The following EPB41L2 variants were observed in gnomAD, a reference collection of about 807,000 sequenced individuals.
EPB41L2 encodes erythrocyte membrane protein band 4.1 like 2, also known as band 4.1-like protein 2.
A neutral mutation model predicts 113.0 loss-of-function variants in EPB41L2; 43 were observed. The ratio of observed to expected loss-of-function variants is 0.38; its 90% CI spans 0.30 to 0.49. EPB41L2 has a LOEUF of 0.49. Ranked by LOEUF, EPB41L2 falls within the 20% of genes least tolerant of loss-of-function variation. The probability of loss-of-function intolerance (pLI) is 0.95; values close to 1 mark genes in which losing one functional copy is unlikely to be tolerated. For missense variants in EPB41L2, 1,147 were observed against 1,223.4 expected, an observed-to-expected ratio of 0.94 and a Z score of 0.93; for synonymous variants, 442 against 436.7, an observed-to-expected ratio of 1.01 and a Z score of -0.15.
rs772528827 is a variant in EPB41L2 at position 130,885,220 on chromosome 6, G to A, written c.1709C>T (p.Ala570Val). ...DQSLMKDFPG[A>V]AGEISAYGPG... ...TCCATAGGCTGAAATCTCCCCAGCA[G>A]CGCCAGGAAAATCCTTCATAAGACT... is the stretch of plus-strand genomic sequence containing the variant. The change falls in exon 12 of 20, where the codon GCT becomes GTT. Residue 570 changes from alanine (A) to valine (V), a missense_variant. Coordinates refer to ENST00000337057, the MANE Select transcript of EPB41L2 (RefSeq NM_001431.4). 6.2e-7 allele frequency: 1 copy of A among 1,614,120 alleles called. No homozygotes were observed. Among genetic ancestry groups the A allele is most frequent in the African/African-American group, 1.3e-5 (1 of 75,042 alleles).
intron 1 of EPB41L2, among the ~76,000 whole-genome samples, chr6:130,988,281 G>A (rs1396263170): frequency 6.6e-6 from 1 of 152,170 alleles, no homozygotes. Flanking sequence ...AAGGCCAGAA[G>A]ACAAGAAGAC....
At chr6:130,971,159 A>G (rs1776677971) in intron 1 of EPB41L2, among the ~76,000 whole-genome samples, 1 of 152,164 alleles carries the variant, frequency 6.6e-6, no homozygotes, top group South Asian at 2.1e-4. Flanking sequence ...GGCCTCCCAA[A>G]ATGTTGGGAT....
intron 10 of EPB41L2, among the ~76,000 whole-genome samples, chr6:130,892,307 G>C (rs889987899): frequency 8.4e-6 from 1 of 118,860 alleles, no homozygotes; most frequent in South Asian, 2.9e-4. Flanking sequence ...TGCCTAGGGC[G>C]AGAAATAGAC....
At chr6:131,023,714 C>CGA (rs1554340439) in intron 1 of EPB41L2, among the ~76,000 whole-genome samples, 2 of 142,118 alleles carry the variant, frequency 1.4e-5, no homozygotes, top group African/African-American at 5.2e-5. Context: ...AAAATGTGTG[C>CGA]GTGTGTGTGT....
At chr6:131,015,239 T>C (rs1288122829) in intron 1 of EPB41L2, 1 of 152,220 alleles carries the variant, frequency 6.6e-6, no homozygotes, top group Non-Finnish European at 1.5e-5. Flanking sequence ...AGAAAGCATC[T>C]GTGGAAAGAG....
chr6:131,023,405 C>G (rs1789974492), intron 1 of EPB41L2, among the ~76,000 whole-genome samples: 2 of 152,170 alleles, frequency 1.3e-5, no homozygotes, highest in African/African-American at 4.8e-5. Flanking sequence ...AAAATATAGG[C>G]TGGGCACGGT....
At chr6:130,963,355 G>T (rs1479677195) in intron 1 of EPB41L2, among the ~76,000 whole-genome samples, 1 of 152,092 alleles carries the variant, frequency 6.6e-6, no homozygotes, top group East Asian at 1.9e-4. Context: ...AAGAGCTATG[G>T]TTGTCAAAGT....
At chr6:130,969,741 A>T (rs939681509) in intron 1 of EPB41L2, among the ~76,000 whole-genome samples, 1 of 152,262 alleles carries the variant, frequency 6.6e-6, no homozygotes, top group Admixed American at 6.5e-5. Flanking sequence ...GAAGCACTTT[A>T]TAAGTAAATT....
intron 1 of EPB41L2, among the ~76,000 whole-genome samples, chr6:131,005,104 A>G (rs1395336291): frequency 1.3e-5 from 2 of 152,174 alleles, no homozygotes; most frequent in Non-Finnish European, 2.9e-5. Flanking sequence ...AGTAGTCAAG[A>G]CAACAGAAAA....
intron 1 of EPB41L2, among the ~76,000 whole-genome samples, chr6:131,048,707 C>T (rs371209979): frequency 3.3e-5 from 5 of 152,124 alleles, no homozygotes; most frequent in African/African-American, 7.2e-5. Context: ...GGCGAGGATA[C>T]GCGAGGTTCA....
intron 1 of EPB41L2, among the ~76,000 whole-genome samples, chr6:130,975,616 T>C (rs534110523): frequency 1.7e-4 from 26 of 152,324 alleles, no homozygotes; most frequent in Admixed American, 6.5e-4. Context: ...CTTCTGCTCA[T>C]CTAGCCCCCA....
At chr6:130,862,048 A>ATT (rs1350129979) in intron 18 of EPB41L2, among the ~76,000 whole-genome samples, 1 of 152,196 alleles carries the variant, frequency 6.6e-6, no homozygotes, top group Non-Finnish European at 1.5e-5. Flanking sequence ...GGTCATCATG[A>ATT]TTTTTTAAGA....
In EPB41L2 at chr6:130,957,492, T is replaced by C. The variant is rs1010545533; in HGVS notation, c.-14-993A>G. ...TGGACAACGAGTAGTGTCCCAGCTA[T>C]CTTCAAAGGTGGTAAAAACTTAAGA... is the stretch of plus-strand genomic sequence containing the variant. On this transcript the variant is annotated intron_variant, in intron 1 of 19. Transcript: ENST00000337057. Among the ~76,000 whole-genome samples the C allele has an allele frequency of 3.9e-5, 6 of 152,238 alleles. No homozygotes were observed. The East Asian group carries it at 1.2e-3, about 29-fold the overall frequency.
rs192393960 is a variant in EPB41L2, at chr6:131,059,394, G to A, written c.-15+3761C>T. On this transcript the variant is annotated intron_variant, in intron 1 of 19. Transcript: ENST00000337057. ...CTCCCAAAGAGGTGGGATTACAGGC[G>A]TGAGCCATCGCGCCCAGCTATAATT... Among the ~76,000 whole-genome samples the A allele has an allele frequency of 6.8e-3, 1,034 of 152,334 alleles. 11 individuals are homozygous for A. Among genetic ancestry groups the A allele is most frequent in the African/African-American group, 0.022 (931 of 41,578 alleles).
At chr6:130,930,095 A>G (rs1168574879) in intron 3 of EPB41L2, among the ~76,000 whole-genome samples, 1 of 152,176 alleles carries the variant, frequency 6.6e-6, no homozygotes, top group East Asian at 1.9e-4. Context: ...TCCTTGTTGC[A>G]TATGATTACT....
intron 10 of EPB41L2, among the ~76,000 whole-genome samples, chr6:130,893,795 G>A (rs937514242): frequency 3.9e-5 from 6 of 152,192 alleles, no homozygotes; most frequent in Non-Finnish European, 7.3e-5. Context: ...GGGTCAGAAC[G>A]TTCCTGACAA....
intron 1 of EPB41L2, among the ~76,000 whole-genome samples, chr6:131,042,366 T>C (rs1343849043): frequency 1.3e-5 from 2 of 152,132 alleles, no homozygotes; most frequent in African/African-American, 2.4e-5. Flanking sequence ...ACAAGCCTGA[T>C]ACAACAAATG....
chr6:131,039,647 T>C (rs942407839), intron 1 of EPB41L2, among the ~76,000 whole-genome samples: 1 of 152,196 alleles, frequency 6.6e-6, no homozygotes, highest in Non-Finnish European at 1.5e-5. Flanking sequence ...AGAAATATTA[T>C]TGCCTTTAAA....
Position 130,956,308 on chromosome 6 carries a change from G to A in EPB41L2, c.178C>T (p.Arg60Cys), listed in dbSNP as rs139295986. 6.4e-5 allele frequency: 103 copies of A among 1,614,060 alleles called. No individual in the cohort carries two copies. Among genetic ancestry groups the A allele is most frequent in the Middle Eastern group, 1.6e-4 (1 of 6,062 alleles). ...PPAAESQSSLRRQKREKETSE... is the reference protein window; with the variant it reads ...PPAAESQSSLCRQKREKETSE... ...GTTTCCTTCTCTCTCTTCTGGCGGC[G>A]TAGACTACTTTGGCTTTCAGCTGCA... The change falls in exon 2 of 20, where the codon CGC (arginine) becomes TGC (cysteine). Residue 60 changes from arginine to cysteine, a missense_variant. Coordinates refer to ENST00000337057, the MANE Select transcript of EPB41L2 (RefSeq NM_001431.4).
Sources: gnomAD v4.1 joint callset for allele counts (sites outside exome capture counted in the v4.1 genomes callset) on GRCh38, gnomAD v4.1.1 for gene constraint, MANE v1.5 for transcripts, NCBI Gene and HGNC (gene_info 2026-07-23, HGNC 2026-07-21) for gene names.